The following CLSTN2 variants were observed in gnomAD, a reference collection of about 807,000 sequenced individuals.
The protein encoded by CLSTN2 is calsyntenin 2.
A neutral mutation model predicts 101.2 loss-of-function variants in CLSTN2; 48 were observed. The ratio of observed to expected loss-of-function variants is 0.47; its 90% CI spans 0.38 to 0.60. CLSTN2 has a LOEUF of 0.60. Among genes scored for constraint, CLSTN2 ranks in the 20% least tolerant of loss-of-function variants. CLSTN2 has a pLI of 0.00. For missense variants in CLSTN2, 1,160 were observed against 1,238.2 expected (o/e 0.94, Z 0.95); for synonymous variants, 481 against 463.6 (o/e 1.04, Z -0.48).
intron 1 of CLSTN2, among the ~76,000 whole-genome samples, chr3:140,132,299 T>C (rs1045424665): frequency 6.6e-6 from 1 of 152,220 alleles, no homozygotes; most frequent in African/African-American, 2.4e-5. Context: ...GAATAATAAA[T>C]ACATCCATAT....
intron 1 of CLSTN2, among the ~76,000 whole-genome samples, chr3:140,089,133 G>A (rs2008727685): frequency 6.6e-6 from 1 of 152,144 alleles, no homozygotes; most frequent in African/African-American, 2.4e-5. Context: ...TGTAACTGGA[G>A]CTCCATTAAA....
intron 5 of CLSTN2, among the ~76,000 whole-genome samples, chr3:140,435,498 T>C (rs1451725349): frequency 6.6e-6 from 1 of 152,228 alleles, no homozygotes; most frequent in Non-Finnish European, 1.5e-5. Context: ...TTCCAAATCT[T>C]AATTATTGTA....
intron 2 of CLSTN2, among the ~76,000 whole-genome samples, chr3:140,242,669 C>T (rs1013905882): frequency 3.0e-4 from 45 of 152,220 alleles, no homozygotes; most frequent in African/African-American, 6.5e-4. Flanking sequence ...TTACCCAAAG[C>T]GAGAGCTCAT....
At chr3:140,162,793 A>T (rs577278387) in intron 1 of CLSTN2, among the ~76,000 whole-genome samples, 1 of 152,300 alleles carries the variant, frequency 6.6e-6, no homozygotes, top group South Asian at 2.1e-4. Flanking sequence ...AGCATTTTGC[A>T]GTGAATATAC....
chr3:140,079,389 G>C (rs2008547149), intron 1 of CLSTN2, among the ~76,000 whole-genome samples: 1 of 152,120 alleles, frequency 6.6e-6, no homozygotes, highest in Non-Finnish European at 1.5e-5. Flanking sequence ...CGTTCTAAAA[G>C]ATGACAATCT....
rs540088965 is a variant in CLSTN2, at chr3:140,320,745, C to T, written c.233-82884C>T. Among the ~76,000 whole-genome samples the T allele has an allele frequency of 4.6e-5, 7 of 152,190 alleles. No homozygotes were observed. In the East Asian group the frequency reaches 1.4e-3, roughly 29 times the overall value. ...GATACAGGAACAAGTTCATTGTTAG[C>T]TGGAGCCCTGAACCATGTCAAAAGC... On this transcript the variant is annotated intron_variant, in intron 2 of 16. Transcript: ENST00000458420.
chr3:140,424,886 G>C (rs1173644772), intron 5 of CLSTN2, among the ~76,000 whole-genome samples: 2 of 152,124 alleles, frequency 1.3e-5, no homozygotes, highest in South Asian at 4.1e-4. Flanking sequence ...GGTAGGGGAG[G>C]GTGGGTGGTT....
intron 10 of CLSTN2, among the ~76,000 whole-genome samples, chr3:140,553,545 C>G (rs1445010072): frequency 6.6e-6 from 1 of 152,120 alleles, no homozygotes; most frequent in Non-Finnish European, 1.5e-5. Context: ...TTTTCCCAAA[C>G]AGGCTAAGCT....
intron 2 of CLSTN2, among the ~76,000 whole-genome samples, chr3:140,382,888 CA>C (rs1349197271): frequency 6.8e-6 from 1 of 146,860 alleles, no homozygotes; most frequent in East Asian, 2.0e-4. Context: ...AGTCACCTTC[CA>C]AAGGCCTCAC....
Position 140,171,667 on chromosome 3 carries a change from AT to A in CLSTN2, c.110-4283del, listed in dbSNP as rs1472777655. Among the ~76,000 whole-genome samples, 35 of 51,824 alleles carry A rather than the reference AT, an allele frequency of 6.8e-4. 1 individual carries two copies. Among genetic ancestry groups the A allele is most frequent in the African/African-American group, 2.4e-3 (34 of 14,246 alleles). 34.0% of individuals were successfully genotyped at this position (51,824 alleles called of 152,430 possible). On this transcript the variant is annotated intron_variant, in intron 1 of 16. Transcript: ENST00000458420. ...ATATAATACGTATTATATATTATAT[AT>A]AATATGTATTATATATAATATATAT...
chr3:139,983,130 AT>A (rs34525947), intron 1 of CLSTN2, among the ~76,000 whole-genome samples: 49,606 of 151,692 alleles, frequency 0.33, 10,070 homozygotes, highest in Non-Finnish European at 0.46. Flanking sequence ...CTAATCTGGT[AT>A]TTTTTGTCTA....
intron 1 of CLSTN2, among the ~76,000 whole-genome samples, chr3:139,952,772 C>A (rs752212426): frequency 2.4e-4 from 37 of 152,220 alleles, no homozygotes; most frequent in Non-Finnish European, 3.2e-4. Flanking sequence ...TAGAAAATAC[C>A]CTAAATGGAT....
At chr3:140,531,896 T>A (rs1350647003) in intron 8 of CLSTN2, among the ~76,000 whole-genome samples, 1 of 152,178 alleles carries the variant, frequency 6.6e-6, no homozygotes, top group Non-Finnish European at 1.5e-5. Flanking sequence ...GATCCTTGGT[T>A]CCTGATCAGC....
chr3:139,965,789 C>T (rs1309475169), intron 1 of CLSTN2, among the ~76,000 whole-genome samples: 1 of 152,178 alleles, frequency 6.6e-6, no homozygotes, highest in Non-Finnish European at 1.5e-5. Context: ...CTAGAAGCCT[C>T]TAGCATCCTC....
intron 2 of CLSTN2, among the ~76,000 whole-genome samples, chr3:140,239,838 A>G (rs1410510625): frequency 6.6e-6 from 1 of 152,092 alleles, no homozygotes; most frequent in Non-Finnish European, 1.5e-5. Flanking sequence ...TAAAATATGA[A>G]AAAATATACA....
At chr3:140,489,118 CTG>C (rs1934292399) in intron 8 of CLSTN2, among the ~76,000 whole-genome samples, 1 of 152,118 alleles carries the variant, frequency 6.6e-6, no homozygotes, top group African/African-American at 2.4e-5. Context: ...GAGGTGAAGA[CTG>C]TAAAAGTCAA....
chr3:140,459,214 C>T (rs1933493872), intron 6 of CLSTN2, among the ~76,000 whole-genome samples: 1 of 152,202 alleles, frequency 6.6e-6, no homozygotes, highest in African/African-American at 2.4e-5. Context: ...CAGGAACCCT[C>T]CCTGCTAGTA....
At chr3:140,474,890 C>T (rs1576588448) in intron 8 of CLSTN2, among the ~76,000 whole-genome samples, 1 of 152,122 alleles carries the variant, frequency 6.6e-6, no homozygotes, top group African/African-American at 2.4e-5. Flanking sequence ...AGCAGTCAGT[C>T]CTGGAAGTTA....
At chr3:140,013,435 C>T (rs1183060309) in intron 1 of CLSTN2, among the ~76,000 whole-genome samples, 1 of 152,144 alleles carries the variant, frequency 6.6e-6, no homozygotes, top group African/African-American at 2.4e-5. Flanking sequence ...CACAAGGATC[C>T]GGAGTTTGTC....
Sources: gnomAD v4.1 joint callset for allele counts (sites outside exome capture counted in the v4.1 genomes callset) on GRCh38, gnomAD v4.1.1 for gene constraint, MANE v1.5 for transcripts, NCBI Gene and HGNC (gene_info 2026-07-23, HGNC 2026-07-21) for gene names.